Variants in CLNK observed in about 807,000 individuals in gnomAD.
CLNK encodes the protein cytokine-dependent hematopoietic cell linker.
CLNK carries 74 observed loss-of-function variants against 68.6 expected under a neutral mutation model. That is an observed-to-expected ratio of 1.08 (90% confidence interval 0.89 to 1.31). The LOEUF is 1.31. Ranked by LOEUF, CLNK falls within the 50% of genes most tolerant of loss-of-function variation. The probability of loss-of-function intolerance (pLI) is 0.00; values close to 1 mark genes in which losing one functional copy is unlikely to be tolerated. For missense variants in CLNK, 553 were observed against 515.3 expected (o/e 1.07, Z -0.71); for synonymous variants, 198 against 172.2 (o/e 1.15, Z -1.17).
chr4:10,730,017 C>T, the CLNK span, among the ~76,000 whole-genome samples: 2 of 152,124 alleles, frequency 1.3e-5, no homozygotes, highest in Non-Finnish European at 2.9e-5. Context: ...CTAAGTTTAT[C>T]CAAAGAAACC....
intron 1 of CLNK, among the ~76,000 whole-genome samples, chr4:10,672,587 T>C (rs886166228): frequency 3.9e-5 from 6 of 152,186 alleles, no homozygotes; most frequent in Non-Finnish European, 7.3e-5. Flanking sequence ...TAGGTAAGCA[T>C]TTTTAGGTAA....
intron 15 of CLNK, among the ~76,000 whole-genome samples, chr4:10,515,273 C>G (rs1577099526): frequency 6.6e-6 from 1 of 152,142 alleles, no homozygotes; most frequent in East Asian, 1.9e-4. Flanking sequence ...TCCTTTCCAC[C>G]TAGAAAAAAA....
At chr4:10,589,704 G>T (rs1280654385) in intron 3 of CLNK, among the ~76,000 whole-genome samples, 1 of 152,198 alleles carries the variant, frequency 6.6e-6, no homozygotes, top group Non-Finnish European at 1.5e-5. Flanking sequence ...GGTCTAGATG[G>T]ATTGTGGACA....
chr4:10,626,373 A>G (rs1452487355), intron 2 of CLNK, among the ~76,000 whole-genome samples: 1 of 151,900 alleles, frequency 6.6e-6, no homozygotes, highest in East Asian at 1.9e-4. Context: ...ACCCACATCA[A>G]CTCATCTGCC....
chr4:10,717,020 GA>G, the CLNK span, among the ~76,000 whole-genome samples: 4,931 of 145,744 alleles, frequency 0.034, 229 homozygotes, highest in African/African-American at 0.096. Context: ...AAACGCCACA[GA>G]AAAAAAAAAA....
At chr4:10,542,328 A>C in intron 8 of CLNK, 48 bp from the exon 9 acceptor site, 1 of 1,301,444 alleles carries the variant, frequency 7.7e-7, no homozygotes, top group African/African-American at 1.5e-5. Context: ...AATGTCATCA[A>C]GCATTGATTT....
Position 10,513,597 on chromosome 4 carries a change from T to A in CLNK, c.773A>T (p.Asp258Val). The A allele has an allele frequency of 6.3e-7, 1 of 1,594,014 alleles. No homozygotes were observed. Among genetic ancestry groups the A allele is most frequent in the Non-Finnish European group, 8.5e-7 (1 of 1,170,388 alleles). The change falls in exon 16 of 19, where the codon GAT becomes GTT. Residue 258 changes from aspartate to valine, a missense_variant and splice_region_variant. Asp to Val is a radical substitution (Grantham distance 152). Coordinates refer to ENST00000226951, the MANE Select transcript of CLNK (RefSeq NM_052964.4). Reference sequence around the variant, plus strand: ...ACAGGGCTGCATGCCTCCTCTATGATCTGGAAAGGTTAAATTCACATTTCA... The same window carrying A: ...ACAGGGCTGCATGCCTCCTCTATGAACTGGAAAGGTTAAATTCACATTTCA... Reference protein sequence around the residue: ...TTSNHSVQNRDHRGGMQPCSP... With the variant: ...TTSNHSVQNRVHRGGMQPCSP...
intron 1 of CLNK, among the ~76,000 whole-genome samples, chr4:10,669,187 T>C (rs1329757207): frequency 6.6e-6 from 1 of 152,220 alleles, no homozygotes; most frequent in Admixed American, 6.5e-5. Context: ...AAATGTACTT[T>C]GTGCAAATAT....
At chr4:10,656,554 AC>A (rs1723998065) in intron 2 of CLNK, 1 of 152,150 alleles carries the variant, frequency 6.6e-6, no homozygotes, top group African/African-American at 2.4e-5. Context: ...GACTGGCATG[AC>A]TTTGTCCAAA....
intron 2 of CLNK, among the ~76,000 whole-genome samples, chr4:10,610,771 A>AACACAC (rs59809551): frequency 1.4e-4 from 20 of 144,504 alleles, no homozygotes; most frequent in African/African-American, 3.4e-4. Context: ...ATAAAAAAGC[A>AACACAC]ACACACACAC....
chr4:10,540,567 G>A lies in CLNK; in HGVS notation c.529C>T (p.Pro177Ser). Residue 177 changes from proline (P) to serine (S), a missense_variant, in exon 11 of 19, where the codon CCC becomes TCC. Physicochemically the swap from Pro to Ser is moderately conservative, Grantham distance 74. Coordinates refer to ENST00000226951, the MANE Select transcript of CLNK (RefSeq NM_052964.4). ...ITLPKKYQPL[P>S]PEPESSRPPL... Reference sequence around the variant, plus strand: ...GGCCTGCTGCTCTCCGGCTCAGGGGGCAAGGGTTGGTACTTCTTCGGAAGT... The same window carrying A: ...GGCCTGCTGCTCTCCGGCTCAGGGGACAAGGGTTGGTACTTCTTCGGAAGT... 1 of 1,613,896 alleles carries A rather than the reference G, an allele frequency of 6.2e-7. No individual in the cohort carries two copies. Among genetic ancestry groups the A allele is most frequent in the Non-Finnish European group, 8.5e-7 (1 of 1,179,810 alleles).
intron 2 of CLNK, among the ~76,000 whole-genome samples, chr4:10,651,266 C>T (rs1303158672): frequency 6.6e-6 from 1 of 152,184 alleles, no homozygotes. Flanking sequence ...TATTGCAGCA[C>T]TATTCACAAT....
chr4:10,502,022 A>C (rs985966999), intron 17 of CLNK, among the ~76,000 whole-genome samples: 1 of 152,208 alleles, frequency 6.6e-6, no homozygotes, highest in Non-Finnish European at 1.5e-5. Flanking sequence ...CCTATCTTGC[A>C]GTTTGATCTC....
At chr4:10,610,771 AACACACACACAC>A (rs59809551) in intron 2 of CLNK, among the ~76,000 whole-genome samples, 70,814 of 144,352 alleles carry the variant, frequency 0.49, 17,279 homozygotes, top group Non-Finnish European at 0.52. Context: ...ATAAAAAAGC[AACACACACACAC>A]ACACACACAC....
rs187812248 is a variant in CLNK, at chr4:10,675,556, T to C, written c.-42-7645A>G. On this transcript the variant is annotated intron_variant, in intron 1 of 18. Transcript: ENST00000226951. ...TGCAAAGAGACATTTATCATAAATA[T>C]TGCTGCTGCATTTCACCTGATCCAA... Among the ~76,000 whole-genome samples, 5 of 152,378 alleles carry C rather than the reference T, an allele frequency of 3.3e-5. No individual in the cohort carries two copies. In the East Asian group the frequency reaches 7.7e-4, roughly 23 times the overall value.
chr4:10,643,806 C>T (rs1338777428), intron 2 of CLNK, among the ~76,000 whole-genome samples: 1 of 152,192 alleles, frequency 6.6e-6, no homozygotes, highest in African/African-American at 2.4e-5. Context: ...ATCTTTGGGC[C>T]CAAACCACAT....
chr4:10,571,718 G>A, intron 5 of CLNK, 23 bp downstream of exon 5: 2 of 1,595,724 alleles, frequency 1.3e-6, no homozygotes, highest in African/African-American at 2.7e-5. Flanking sequence ...GTATAAAATA[G>A]ATAAGGGAAG....
intron 16 of CLNK, among the ~76,000 whole-genome samples, chr4:10,511,113 G>A (rs1212100239): frequency 6.6e-6 from 1 of 151,962 alleles, no homozygotes; most frequent in Admixed American, 6.6e-5. Flanking sequence ...AACTGAGATT[G>A]CCCCATGGCA....
intron 2 of CLNK, among the ~76,000 whole-genome samples, chr4:10,618,896 A>G (rs55839210): frequency 0.18 from 27,278 of 152,232 alleles, 2,531 homozygotes; most frequent in African/African-American, 0.2. Flanking sequence ...ACCAGGCCCC[A>G]CTTCCAGCAC....
Sources: gnomAD v4.1 joint callset for allele counts (sites outside exome capture counted in the v4.1 genomes callset) on GRCh38, gnomAD v4.1.1 for gene constraint, MANE v1.5 for transcripts, NCBI Gene and HGNC (gene_info 2026-07-23, HGNC 2026-07-21) for gene names.